The following ARHGEF1 variants were observed in gnomAD, a reference collection of about 807,000 sequenced individuals.
The protein encoded by ARHGEF1 is Rho guanine nucleotide exchange factor 1.
Under a neutral mutation model 119.7 loss-of-function variants are expected in ARHGEF1, and 40 were observed. The ratio of observed to expected loss-of-function variants is 0.33; its 90% CI spans 0.26 to 0.44. The LOEUF (loss-of-function observed/expected upper bound fraction) is 0.44. Ranked by LOEUF, ARHGEF1 falls within the 20% of genes least tolerant of loss-of-function variation. The pLI is 1.00. For missense variants in ARHGEF1, 976 were observed against 1,268.3 expected (o/e 0.77, Z 3.50); for synonymous variants, 494 against 521.0 (o/e 0.95, Z 0.71).
upstream of ARHGEF1, among the ~76,000 whole-genome samples, chr19:41,922,066 G>T (rs2074845521): frequency 1.3e-5 from 2 of 151,908 alleles, no homozygotes. Flanking sequence ...GCAGGGAAAT[G>T]ACTGTTATTT....
At chr19:41,908,264 G>A, downstream of ARHGEF1, 1 of 1,231,584 alleles carries the variant, frequency 8.1e-7, no homozygotes, top group South Asian at 4.1e-5. This position sits in a 1 kb window ranked among gnomAD's most constrained non-coding sequence, Gnocchi z 6.7. Context: ...CCTTTGCCTT[G>A]GGGGGTGCCG....
chr19:41,883,216 A>G lies in ARHGEF1; in HGVS notation c.-93A>G. Reference sequence around the variant, plus strand: ...TGCCCCGCCAGAGCCAGGAAGCGGGAGCCGGGACCCAGGGCCCGGGATCGC... The same window carrying G: ...TGCCCCGCCAGAGCCAGGAAGCGGGGGCCGGGACCCAGGGCCCGGGATCGC... On this transcript the variant is annotated 5_prime_UTR_variant, in exon 1 of 29. Coordinates refer to ENST00000354532, the MANE Select transcript of ARHGEF1 (RefSeq NM_004706.4). The surrounding 1 kb of genome is among the most constrained non-coding windows in gnomAD (Gnocchi z 7.6). The G allele has an allele frequency of 5.3e-6, 1 of 188,676 alleles. No homozygotes were observed. Among genetic ancestry groups the G allele is most frequent in the South Asian group, 5.3e-5 (1 of 18,728 alleles). 11.7% of individuals were successfully genotyped at this position (188,676 alleles called of 1,614,324 possible). A position where few individuals can be genotyped will look rare whatever the true frequency, so the allele number is the denominator to read the frequency against.
rs1469359077 is a variant in ARHGEF1 at position 41,904,222 on chromosome 19, A to G, written c.2000A>G (p.His667Arg). 5 of 1,613,462 alleles carry G rather than the reference A, an allele frequency of 3.1e-6. No individual in the cohort carries two copies. Among genetic ancestry groups the G allele is most frequent in the Non-Finnish European group, 4.2e-6 (5 of 1,179,794 alleles). ...RVTKDKAVEV[H>R]VLLLDDLLLL... ...AGCACTGCTCGCCCCGTAGAGGTGCATGTGCTGCTGCTGGACGACCTGCTG... is the reference window on the plus strand; with the variant it reads ...AGCACTGCTCGCCCCGTAGAGGTGCGTGTGCTGCTGCTGGACGACCTGCTG... The change falls in exon 22 of 29, where the codon CAT becomes CGT. Residue 667 changes from histidine (H) to arginine (R), a missense_variant. His to Arg is a conservative substitution (Grantham distance 29). Around this residue, in one of 3 missense-constraint regions of ARHGEF1, gnomAD observed 286 missense variants for 506.8 expected, o/e 0.56. Transcript: ENST00000354532. The surrounding 1 kb of genome is among the most constrained non-coding windows in gnomAD (Gnocchi z 8.4).
chr19:41,906,089 A>G lies in ARHGEF1; in HGVS notation c.2491+64A>G. ...AAACAGTGCCTCTGTTCCAACTAGAACAAGGCTCTCCACGTCAAAAATTTC... is the reference window on the plus strand; with the variant it reads ...AAACAGTGCCTCTGTTCCAACTAGAGCAAGGCTCTCCACGTCAAAAATTTC... On this transcript the variant is annotated intron_variant, in intron 26 of 28. Transcript: ENST00000354532. The surrounding 1 kb of genome is among the most constrained non-coding windows in gnomAD (Gnocchi z 4.5). The G allele has an allele frequency of 6.8e-7, 1 of 1,463,492 alleles. No homozygotes were observed. Among genetic ancestry groups the G allele is most frequent in the Non-Finnish European group, 9.5e-7 (1 of 1,052,074 alleles). 90.7% of individuals were successfully genotyped at this position (1,463,492 alleles called of 1,614,324 possible).
rs2074800080 is a variant in ARHGEF1, at chr19:41,916,129, T to C, written c.1866-6963T>C. 6.7e-6 allele frequency among the ~76,000 whole-genome samples: 1 copy of C among 149,060 alleles called. No homozygotes were observed. The highest frequency in any genetic ancestry group is 1.5e-5 in the Non-Finnish European group (1 of 67,574). On this transcript the variant is annotated intron_variant, in intron 18 of 20. Transcript: ENST00000599589. The surrounding 1 kb of genome is among the most constrained non-coding windows in gnomAD (Gnocchi z 5.4). The stretch of plus-strand genomic sequence containing the variant: ...GGCAGGCGAGGGCCCTCCTCCCTTC[T>C]CTCCCTGCCAAGCACAACCACACAG...
At chr19:41,909,942 G>C, downstream of ARHGEF1, 1 of 1,613,876 alleles carries the variant, frequency 6.2e-7, no homozygotes, top group Non-Finnish European at 8.5e-7. The surrounding 1 kb of genome is among the most constrained non-coding windows in gnomAD (Gnocchi z 5.2). Flanking sequence ...ACCTCATCGG[G>C]GTCTTTGATG....
Position 41,917,040 on chromosome 19 carries a change from C to G in ARHGEF1, c.1866-6052C>G, listed in dbSNP as rs1385073229. Among the ~76,000 whole-genome samples, 2 of 152,102 alleles carry G rather than the reference C, an allele frequency of 1.3e-5. No individual in the cohort carries two copies. The highest frequency in any genetic ancestry group is 2.9e-5 in the Non-Finnish European group (2 of 68,026). ...TGTGTGTGTGTGCACATATGTGACA[C>G]GTGCCCTTGTCTCAGACCTGCTTCT... is the stretch of plus-strand genomic sequence containing the variant. On this transcript the variant is annotated intron_variant, in intron 18 of 20. Transcript: ENST00000599589. The surrounding 1 kb of genome is among the most constrained non-coding windows in gnomAD (Gnocchi z 4.8).
chr19:41,899,737 G>A (rs1457719650), intron 14 of ARHGEF1, among the ~76,000 whole-genome samples: 1 of 151,720 alleles, frequency 6.6e-6, no homozygotes, highest in Admixed American at 6.6e-5. Context: ...TCGAACGCCC[G>A]CCTCAGCCTC....
At position 41,884,303 on chromosome 19, in the gene ARHGEF1, A is replaced by T. The variant is rs376898135; in HGVS notation, c.-20+1014A>T. 3.2e-4 allele frequency: 309 copies of T among 976,498 alleles called. 1 individual carries two copies. In the African/African-American group the frequency reaches 4.6e-3, roughly 15 times the overall value. 60.5% of individuals were successfully genotyped at this position (976,498 alleles called of 1,614,324 possible). On this transcript the variant is annotated intron_variant, in intron 1 of 28. Coordinates refer to ENST00000354532, the MANE Select transcript of ARHGEF1 (RefSeq NM_004706.4). ...CAGCGCTAGAGCGGCCGGCGGGAGGAGTAGAGTCGTCGGGGCCGGAGCCCG... is the reference window on the plus strand; with the variant it reads ...CAGCGCTAGAGCGGCCGGCGGGAGGTGTAGAGTCGTCGGGGCCGGAGCCCG...
intron 13 of ARHGEF1, 59 bp from the exon 14 acceptor site, chr19:41,898,383 C>T: frequency 6.5e-7 from 1 of 1,548,930 alleles, no homozygotes; most frequent in South Asian, 1.2e-5. Flanking sequence ...CTCTAAGAGG[C>T]TGAAGGCTGC....
upstream of ARHGEF1, among the ~76,000 whole-genome samples, chr19:41,921,028 G>A (rs74628358): frequency 0.025 from 3,781 of 152,334 alleles, 145 homozygotes; most frequent in African/African-American, 0.085. The surrounding 1 kb of genome is among the most constrained non-coding windows in gnomAD (Gnocchi z 4.4). Flanking sequence ...GGACAGCAGC[G>A]CTCCGAATGG....
chr19:41,898,531 C>A lies in ARHGEF1; in HGVS notation c.1211C>A (p.Pro404Gln). 3 of 1,568,158 alleles carry A rather than the reference C, an allele frequency of 1.9e-6. No homozygotes were observed. In the East Asian group the frequency reaches 7.1e-5, roughly 37 times the overall value. Reference sequence around the variant, plus strand: ...CCCGGCTGGCGGGAACTCGTCCCCCCAGACACCCTGCACAGCCTGCCCAAG... The same window carrying A: ...CCCGGCTGGCGGGAACTCGTCCCCCAAGACACCCTGCACAGCCTGCCCAAG... ...EPPGWRELVP[P>Q]DTLHSLPKSQ... The change falls in exon 14 of 29, where the codon CCA (proline) becomes CAA (glutamine). Residue 404 changes from proline to glutamine, a missense_variant. Transcript: ENST00000354532.
downstream of ARHGEF1, chr19:41,908,095 G>T (rs561953161): frequency 6.7e-4 from 431 of 639,514 alleles, 2 homozygotes; most frequent in South Asian, 6.2e-3. The surrounding 1 kb of genome is among the most constrained non-coding windows in gnomAD (Gnocchi z 6.7). Context: ...GGCTGGGGAA[G>T]GAGACTGGGG....
At chr19:41,900,442 A>G (rs1029225828) in intron 14 of ARHGEF1, among the ~76,000 whole-genome samples, 1 of 152,244 alleles carries the variant, frequency 6.6e-6, no homozygotes, top group Non-Finnish European at 1.5e-5. Context: ...CACGTTGGAC[A>G]GGATAGCAAT....
chr19:41,897,506 G>A, intron 13 of ARHGEF1: 1 of 271,996 alleles, frequency 3.7e-6, no homozygotes, highest in South Asian at 3.1e-5. Context: ...CACCCCCTCT[G>A]TTGCCATCCC....
rs1555846331 is a variant in ARHGEF1, at chr19:41,892,237, C to T, written c.325-94C>T. ...AGCTGCTGACCCAGGCCTTCCCCAGCACCCTCGCTTAGACCAGGGTTCCTG... is the reference window on the plus strand; with the variant it reads ...AGCTGCTGACCCAGGCCTTCCCCAGTACCCTCGCTTAGACCAGGGTTCCTG... On this transcript the variant is annotated intron_variant, in intron 5 of 28. Coordinates refer to ENST00000354532, the MANE Select transcript of ARHGEF1 (RefSeq NM_004706.4). The surrounding 1 kb of genome is among the most constrained non-coding windows in gnomAD (Gnocchi z 6.3). 1.9e-6 allele frequency: 3 copies of T among 1,574,694 alleles called. No homozygotes were observed. The highest frequency in any genetic ancestry group is 2.7e-5 in the African/African-American group (2 of 74,096).
downstream of ARHGEF1, chr19:41,909,542 C>T (rs560775729): frequency 1.9e-5 from 21 of 1,100,952 alleles, no homozygotes; most frequent in South Asian, 1.5e-4. The surrounding 1 kb of genome is among the most constrained non-coding windows in gnomAD (Gnocchi z 5.2). Flanking sequence ...TTTCTTAATG[C>T]GTGTGCTGTC....
downstream of ARHGEF1, chr19:41,908,923 T>C (rs1287290261): frequency 7.6e-6 from 4 of 524,106 alleles, no homozygotes; most frequent in Non-Finnish European, 8.8e-6. This position sits in a 1 kb window ranked among gnomAD's most constrained non-coding sequence, Gnocchi z 6.7. Context: ...CTTTTCTGGG[T>C]TTTACACACA....
intron 8 of ARHGEF1, 74 bp from the exon 9 acceptor site, chr19:41,894,133 T>TAA: frequency 2.5e-6 from 2 of 803,112 alleles, no homozygotes; most frequent in Non-Finnish European, 3.5e-6. Flanking sequence ...AGTGTGTGTG[T>TAA]GAGTGTGTGT....
Sources: allele counts gnomAD v4.1 joint callset (sites outside exome capture counted in the v4.1 genomes callset), GRCh38; gene constraint gnomAD v4.1.1; regional missense constraint gnomAD v4.1.1; non-coding constraint Gnocchi (gnomAD v3.1); transcripts MANE v1.5; gene names NCBI Gene and HGNC (gene_info 2026-07-23, HGNC 2026-07-21).